Variants in SENP7 observed in about 807,000 individuals in gnomAD.
SENP7 encodes SUMO specific peptidase 7.
In SENP7, 64 loss-of-function variants were observed where a neutral mutation model predicts 141.2. The ratio of observed to expected loss-of-function variants is 0.45; its 90% CI spans 0.37 to 0.56. SENP7 has a LOEUF of 0.56. Ranked by LOEUF, SENP7 falls within the 20% of genes least tolerant of loss-of-function variation. The pLI is 0.00. For synonymous variants in SENP7, 382 were observed against 426.4 expected (o/e 0.90, Z 1.28); for missense variants, 1,025 against 1,212.2 (o/e 0.85, Z 2.29).
chr3:101,354,896 G>A (rs891319989), intron 11 of SENP7, among the ~76,000 whole-genome samples: 2 of 151,944 alleles, frequency 1.3e-5, no homozygotes, highest in Non-Finnish European at 2.9e-5. Context: ...GCATGTTGTT[G>A]ACCTTTTAAC....
chr3:101,372,965 T>C (rs1470697832), intron 6 of SENP7, among the ~76,000 whole-genome samples: 1 of 151,962 alleles, frequency 6.6e-6, no homozygotes, highest in Non-Finnish European at 1.5e-5. Flanking sequence ...TTAAAATATA[T>C]AAATTATTTA....
intron 17 of SENP7, among the ~76,000 whole-genome samples, chr3:101,333,964 G>A (rs1576809740): frequency 6.6e-6 from 1 of 152,264 alleles, no homozygotes; most frequent in East Asian, 1.9e-4. Flanking sequence ...AGACCGTCAG[G>A]CATTAGTTAG....
At chr3:101,500,224 A>G (rs1278954697) in intron 2 of SENP7, among the ~76,000 whole-genome samples, 1 of 152,188 alleles carries the variant, frequency 6.6e-6, no homozygotes, top group Non-Finnish European at 1.5e-5. Context: ...GTAAATCGGG[A>G]TATTACTGCA....
chr3:101,382,096 A>G (rs992633425), intron 6 of SENP7, among the ~76,000 whole-genome samples: 1 of 152,220 alleles, frequency 6.6e-6, no homozygotes, highest in South Asian at 2.1e-4. Context: ...ACTCAAGGCT[A>G]ATTACCAATC....
intron 10 of SENP7, 117 bp from the exon 11 acceptor site, chr3:101,361,978 T>G: frequency 8.8e-7 from 1 of 1,139,318 alleles, no homozygotes; most frequent in Non-Finnish European, 1.2e-6. Context: ...TTGAAGAACT[T>G]TATACTGTTC....
Position 101,383,186 on chromosome 3 carries a change from G to T in SENP7, c.678-11060C>A, listed in dbSNP as rs146849723. On this transcript the variant is annotated intron_variant, in intron 6 of 23. Coordinates refer to ENST00000394095, the MANE Select transcript of SENP7 (RefSeq NM_020654.5). ...GGTGCCGTCTTCATGATAAGTGAGT[G>T]AGTTCTTGCTACATCTGGTTAAGAG... Among the ~76,000 whole-genome samples, 280 of 152,258 alleles carry T rather than the reference G, an allele frequency of 1.8e-3. 2 individuals carry two copies. The highest frequency in any genetic ancestry group is 6.8e-3 in the Middle Eastern group (2 of 294).
At chr3:101,511,325 G>A (rs1274241501) in intron 1 of SENP7, among the ~76,000 whole-genome samples, 1 of 152,110 alleles carries the variant, frequency 6.6e-6, no homozygotes, top group Non-Finnish European at 1.5e-5. Context: ...TGAATTACAA[G>A]GCAAATATCT....
intron 1 of SENP7, among the ~76,000 whole-genome samples, chr3:101,509,058 G>C (rs1400863970): frequency 1.3e-5 from 2 of 151,728 alleles, no homozygotes; most frequent in African/African-American, 2.4e-5. Context: ...TCACCAAACT[G>C]TTCTTTGATG....
intron 15 of SENP7, among the ~76,000 whole-genome samples, chr3:101,341,419 TTGTC>T (rs1299237066): frequency 6.6e-6 from 1 of 152,208 alleles, no homozygotes; most frequent in Non-Finnish European, 1.5e-5. Context: ...ATATGACACT[TTGTC>T]TGCCATTTAT....
chr3:101,330,895 TA>T (rs1386292606), intron 19 of SENP7, among the ~76,000 whole-genome samples: 1 of 152,220 alleles, frequency 6.6e-6, no homozygotes, highest in African/African-American at 2.4e-5. Flanking sequence ...GCTACAGCTA[TA>T]AAACATTTAA....
intron 1 of SENP7, among the ~76,000 whole-genome samples, chr3:101,502,094 T>C (rs1295638371): frequency 6.6e-6 from 1 of 152,234 alleles, no homozygotes; most frequent in Non-Finnish European, 1.5e-5. Flanking sequence ...AGGACACAAG[T>C]AGTCCTAACC....
At chr3:101,372,463 T>C (rs1351450712) in intron 6 of SENP7, among the ~76,000 whole-genome samples, 4 of 152,122 alleles carry the variant, frequency 2.6e-5, no homozygotes, top group African/African-American at 9.6e-5. Flanking sequence ...ACCTCAATAA[T>C]TAAACCTATG....
chr3:101,353,331 C>T (rs1418518688), intron 11 of SENP7, among the ~76,000 whole-genome samples: 1 of 151,912 alleles, frequency 6.6e-6, no homozygotes, highest in Non-Finnish European at 1.5e-5. Flanking sequence ...AGAAGTAGTG[C>T]ATCTGCATGT....
chr3:101,401,294 T>C (rs960174291), intron 5 of SENP7, among the ~76,000 whole-genome samples: 10 of 151,972 alleles, frequency 6.6e-5, no homozygotes, highest in Non-Finnish European at 1.5e-4. Context: ...TTAGGGAGGC[T>C]GAGGCAGGAG....
At chr3:101,397,772 G>GA (rs1335298559) in intron 6 of SENP7, among the ~76,000 whole-genome samples, 2 of 151,984 alleles carry the variant, frequency 1.3e-5, no homozygotes, top group Non-Finnish European at 2.9e-5. Context: ...AGTTTGGGGG[G>GA]AAAAAAATTA....
intron 11 of SENP7, among the ~76,000 whole-genome samples, chr3:101,360,204 T>C (rs2059857935): frequency 6.6e-6 from 1 of 152,204 alleles, no homozygotes. Flanking sequence ...AATTCATTCT[T>C]GAGCTTTCGA....
At chr3:101,371,251 T>G (rs953192510) in intron 7 of SENP7, among the ~76,000 whole-genome samples, 4 of 152,070 alleles carry the variant, frequency 2.6e-5, no homozygotes, top group African/African-American at 4.8e-5. Flanking sequence ...TGTGATCATG[T>G]GTGATCATGC....
At chr3:101,417,087 A>G (rs2061645777) in intron 5 of SENP7, among the ~76,000 whole-genome samples, 1 of 152,212 alleles carries the variant, frequency 6.6e-6, no homozygotes. Flanking sequence ...TTTACTATTA[A>G]AAACCTAGAG....
chr3:101,499,360 A>G (rs918949825), intron 2 of SENP7, among the ~76,000 whole-genome samples: 5 of 152,020 alleles, frequency 3.3e-5, no homozygotes, highest in Non-Finnish European at 7.4e-5. Context: ...CATCCTGGCA[A>G]TGTAAGGTTT....
Sources: gnomAD v4.1 joint callset for allele counts (sites outside exome capture counted in the v4.1 genomes callset) on GRCh38, gnomAD v4.1.1 for gene constraint, MANE v1.5 for transcripts, NCBI Gene and HGNC (gene_info 2026-07-23, HGNC 2026-07-21) for gene names.